Variants in MPPED2 observed in about 807,000 individuals in gnomAD.
MPPED2 encodes the protein metallophosphoesterase domain containing 2, also known as metallophosphoesterase MPPED2.
In MPPED2, 5 loss-of-function variants were observed where a neutral mutation model predicts 33.0. That is an observed-to-expected ratio of 0.15 (90% confidence interval 0.08 to 0.32). The LOEUF is 0.32. Ranked by LOEUF, MPPED2 falls within the 10% of genes least tolerant of loss-of-function variation. MPPED2 has a pLI of 1.00. For synonymous variants in MPPED2, 136 were observed against 141.9 expected, an observed-to-expected ratio of 0.96 and a Z score of 0.29; for missense variants, 275 against 372.1, an observed-to-expected ratio of 0.74 and a Z score of 2.15.
rs540536051 is a variant in MPPED2 at position 30,550,722 on chromosome 11, G to GA, written c.129-14548dup. ...TACTAACCAGAAAGCACAGCCTGGG[G>GA]AAAAAATGCAATAAAATCTCCCGCC... On this transcript the variant is annotated intron_variant, in intron 2 of 6. Transcript: ENST00000358117. Among the ~76,000 whole-genome samples the GA allele has an allele frequency of 5.6e-3, 845 of 152,234 alleles. 10 individuals are homozygous for GA. The highest frequency in any genetic ancestry group is 0.019 in the African/African-American group (801 of 41,538).
At chr11:30,532,638 A>C (rs577425595) in intron 3 of MPPED2, among the ~76,000 whole-genome samples, 1 of 152,350 alleles carries the variant, frequency 6.6e-6, no homozygotes, top group African/African-American at 2.4e-5. Flanking sequence ...GAGCAAATCA[A>C]GGCTTGAGAG....
At chr11:30,583,751 T>A (rs907602697) in intron 1 of MPPED2, among the ~76,000 whole-genome samples, 5 of 152,072 alleles carry the variant, frequency 3.3e-5, no homozygotes, top group African/African-American at 1.2e-4. Context: ...AAGCAACAAC[T>A]CATGACCTCT....
At chr11:30,495,103 A>G in intron 4 of MPPED2, 193 bp downstream of exon 4, 1 of 594,362 alleles carries the variant, frequency 1.7e-6, no homozygotes, top group Non-Finnish European at 3.0e-6. Flanking sequence ...GATCTTGCCT[A>G]AAGGGATCTC....
chr11:30,387,172 A>G (rs1447271565), exon 7 of MPPED2: 1 of 162,890 alleles, frequency 6.1e-6, no homozygotes, highest in African/African-American at 2.4e-5. Context: ...TAGACACAGT[A>G]AAAAACAAAC....
At chr11:30,449,855 C>T (rs1266933234) in intron 4 of MPPED2, among the ~76,000 whole-genome samples, 3 of 152,072 alleles carry the variant, frequency 2.0e-5, no homozygotes, top group South Asian at 2.1e-4. Context: ...CCTTCTCTTC[C>T]ATTAGTTTCC....
At chr11:30,559,655 C>T (rs1460069998) in intron 2 of MPPED2, among the ~76,000 whole-genome samples, 1 of 151,922 alleles carries the variant, frequency 6.6e-6, no homozygotes, top group Non-Finnish European at 1.5e-5. Flanking sequence ...AAATTATAAG[C>T]TATGTTTGAA....
chr11:30,579,722 T>C (rs1215475979), intron 2 of MPPED2, among the ~76,000 whole-genome samples: 2 of 152,136 alleles, frequency 1.3e-5, no homozygotes, highest in Non-Finnish European at 2.9e-5. Context: ...CAGCACACGT[T>C]TCACTAGCAA....
At chr11:30,467,256 GAC>G (rs1950748697) in intron 4 of MPPED2, among the ~76,000 whole-genome samples, 1 of 152,116 alleles carries the variant, frequency 6.6e-6, no homozygotes, top group African/African-American at 2.4e-5. Flanking sequence ...AGGGCTTCCA[GAC>G]ACAGTCAAGA....
At chr11:30,557,960 T>C (rs746457013) in intron 2 of MPPED2, among the ~76,000 whole-genome samples, 10 of 152,190 alleles carry the variant, frequency 6.6e-5, no homozygotes, top group Non-Finnish European at 1.3e-4. Context: ...GCTAGGAAGA[T>C]ATAAATAAAT....
At chr11:30,526,744 A>C (rs1376089005) in intron 3 of MPPED2, among the ~76,000 whole-genome samples, 1 of 151,666 alleles carries the variant, frequency 6.6e-6, no homozygotes, top group Non-Finnish European at 1.5e-5. Flanking sequence ...TCTTTATTAG[A>C]TATGACTGTT....
Position 30,386,894 on chromosome 11 carries a change from A to T in MPPED2, c.*1995T>A, listed in dbSNP as rs1590144731. The T allele has an allele frequency of 1.3e-5, 5 of 397,360 alleles. No homozygotes were observed. The East Asian group carries it at 1.8e-4, about 14-fold the overall frequency. 24.6% of individuals were successfully genotyped at this position (397,360 alleles called of 1,614,324 possible). ...TAATAATAGCCAACACTTATTAAGCATCTGCCAAATGTTGGGCATTGCACT... is the reference window on the plus strand; with the variant it reads ...TAATAATAGCCAACACTTATTAAGCTTCTGCCAAATGTTGGGCATTGCACT... On this transcript the variant is annotated 3_prime_UTR_variant, in exon 7 of 7. Coordinates refer to the MPPED2 transcript ENST00000448418.
rs142550574 is a variant in MPPED2, at chr11:30,561,467, A to G, written c.128+18779T>C. Among the ~76,000 whole-genome samples, 651 of 152,292 alleles carry G rather than the reference A, an allele frequency of 4.3e-3. 4 individuals are homozygous for G. Among genetic ancestry groups the G allele is most frequent in the Non-Finnish European group, 6.6e-3 (451 of 68,028 alleles). On this transcript the variant is annotated intron_variant, in intron 2 of 6. Transcript: ENST00000358117. ...CCCAGAAAAGCAACAGAGCTGGAAG[A>G]ATTCTAGTATGTCCTGAGATGCTCA...
At chr11:30,546,206 AATCATAGTTTTAAATCAATCATTACAAC>A (rs928510933) in intron 2 of MPPED2, among the ~76,000 whole-genome samples, 6 of 152,370 alleles carry the variant, frequency 3.9e-5, no homozygotes, top group Middle Eastern at 3.4e-3. Flanking sequence ...ATTATTTTAA[AATCATAGTTTTAAATCAATCATTACAAC>A]ATCATGAACA....
intron 4 of MPPED2, among the ~76,000 whole-genome samples, chr11:30,438,298 T>C (rs886463103): frequency 6.6e-6 from 1 of 152,244 alleles, no homozygotes; most frequent in African/African-American, 2.4e-5. Context: ...ATTTCATTTA[T>C]CCTATTAGGT....
At chr11:30,480,316 C>T (rs1000728115) in intron 4 of MPPED2, among the ~76,000 whole-genome samples, 1 of 152,096 alleles carries the variant, frequency 6.6e-6, no homozygotes, top group Non-Finnish European at 1.5e-5. Flanking sequence ...ATGCCTTTCC[C>T]TTCACATTCT....
downstream of MPPED2, among the ~76,000 whole-genome samples, chr11:30,409,562 T>C (rs548277515): frequency 3.0e-4 from 45 of 152,328 alleles, no homozygotes; most frequent in African/African-American, 9.9e-4. Flanking sequence ...TCAATTCTGC[T>C]GGTACTGAAA....
chr11:30,472,481 C>T (rs964007419), intron 4 of MPPED2, among the ~76,000 whole-genome samples: 1 of 152,164 alleles, frequency 6.6e-6, no homozygotes, highest in Non-Finnish European at 1.5e-5. Flanking sequence ...AGAGAGGTTT[C>T]ACACTTTTGC....
intron 6 of MPPED2, among the ~76,000 whole-genome samples, chr11:30,402,669 A>C (rs2133710939): frequency 6.6e-6 from 1 of 152,220 alleles, no homozygotes. Context: ...TCCTATTCCC[A>C]TTCTCCCACC....
In MPPED2 at chr11:30,529,892, G is replaced by C. The variant is rs186315304; in HGVS notation, c.310+6102C>G. On this transcript the variant is annotated intron_variant, in intron 3 of 6. Coordinates refer to ENST00000358117, the MANE Select transcript of MPPED2 (RefSeq NM_001584.3). Reference sequence around the variant, plus strand: ...TACAAATATGAATGACCCTCTTCTTGAGATTTTCCTTGAAGCATTTTTGTT... The same window carrying C: ...TACAAATATGAATGACCCTCTTCTTCAGATTTTCCTTGAAGCATTTTTGTT... Among the ~76,000 whole-genome samples the C allele has an allele frequency of 1.6e-4, 24 of 152,304 alleles. No homozygotes were observed. The East Asian group carries it at 4.3e-3, about 27-fold the overall frequency.
Sources: gnomAD v4.1 joint callset for allele counts (sites outside exome capture counted in the v4.1 genomes callset) on GRCh38, gnomAD v4.1.1 for gene constraint, MANE v1.5 for transcripts, NCBI Gene and HGNC (gene_info 2026-07-23, HGNC 2026-07-21) for gene names.